The following CDKAL1 variants were observed in gnomAD, a reference collection of about 807,000 sequenced individuals.
CDKAL1 encodes the protein threonylcarbamoyladenosine tRNA methylthiotransferase.
Under a neutral mutation model 68.2 loss-of-function variants are expected in CDKAL1, and 32 were observed. The observed-to-expected ratio is 0.47, with a 90% CI of 0.35 to 0.63. CDKAL1 has a LOEUF of 0.63. Among genes scored for constraint, CDKAL1 ranks in the 30% least tolerant of loss-of-function variants. The pLI is 0.00. For missense variants in CDKAL1, 606 were observed against 696.7 expected, an observed-to-expected ratio of 0.87 and a Z score of 1.47; for synonymous variants, 234 against 244.3, an observed-to-expected ratio of 0.96 and a Z score of 0.39.
intron 11 of CDKAL1, among the ~76,000 whole-genome samples, chr6:21,057,841 C>T (rs565643774): frequency 2.0e-4 from 30 of 152,176 alleles, no homozygotes; most frequent in African/African-American, 7.0e-4. Flanking sequence ...TTTCTTAATC[C>T]TGGGTTCTAA....
rs1774655483 is a variant in CDKAL1, at chr6:20,765,408, GGCC to G, written c.517+6766_517+6768del. 6.6e-5 allele frequency among the ~76,000 whole-genome samples: 2 copies of G among 30,244 alleles called. 1 individual carries two copies. Among genetic ancestry groups the G allele is most frequent in the Admixed American group, 6.7e-4 (2 of 2,964 alleles). The allele number at this position is 30,244 out of a possible 152,430, so 19.8% of individuals were successfully genotyped here. A position where few individuals can be genotyped will look rare whatever the true frequency, so the allele number is the denominator to read the frequency against. On this transcript the variant is annotated intron_variant, in intron 7 of 15. Coordinates refer to ENST00000274695, the MANE Select transcript of CDKAL1 (RefSeq NM_017774.3). ...CCTGACCTCGTGATCCGCCCGCCTC[GGCC>G]TCCCAAAGTGCTGGGATTACAGGCG...
intron 13 of CDKAL1, among the ~76,000 whole-genome samples, chr6:21,161,522 T>C (rs929241540): frequency 2.0e-5 from 3 of 152,222 alleles, no homozygotes; most frequent in African/African-American, 7.2e-5. Context: ...CTTTTTAAGA[T>C]AAAGAACTTT....
intron 12 of CDKAL1, among the ~76,000 whole-genome samples, chr6:21,091,308 A>G (rs1772994982): frequency 6.6e-6 from 1 of 152,180 alleles, no homozygotes; most frequent in Admixed American, 6.5e-5. Context: ...CACCTCACCA[A>G]CCTGAAGAAA....
chr6:20,608,079 T>C (rs1233051136), intron 4 of CDKAL1, among the ~76,000 whole-genome samples: 1 of 152,320 alleles, frequency 6.6e-6, no homozygotes, highest in African/African-American at 2.4e-5. Context: ...AATTAACATA[T>C]GCATAGTAAA....
intron 5 of CDKAL1, among the ~76,000 whole-genome samples, chr6:20,651,150 G>A (rs769680136): frequency 6.6e-6 from 1 of 152,008 alleles, no homozygotes; most frequent in Non-Finnish European, 1.5e-5. Flanking sequence ...TGGGCAGTAT[G>A]GCCATTTTCA....
intron 8 of CDKAL1, among the ~76,000 whole-genome samples, chr6:20,844,705 G>GAAAAAC (rs1205847819): frequency 2.2e-5 from 2 of 91,296 alleles, no homozygotes; most frequent in Non-Finnish European, 5.6e-5. Flanking sequence ...AAAAGAAACA[G>GAAAAAC]AAAAACAAAA....
At chr6:20,746,270 T>C (rs1773660461) in intron 6 of CDKAL1, among the ~76,000 whole-genome samples, 1 of 152,196 alleles carries the variant, frequency 6.6e-6, no homozygotes, top group Non-Finnish European at 1.5e-5. Context: ...CCTTCAGTGT[T>C]ATGAGGAATG....
intron 9 of CDKAL1, among the ~76,000 whole-genome samples, chr6:20,948,415 A>C (rs1764363036): frequency 6.6e-6 from 1 of 152,224 alleles, no homozygotes; most frequent in Non-Finnish European, 1.5e-5. Context: ...AATTGAGCTC[A>C]GTGGCTGAAA....
chr6:21,208,156 G>T (rs551134307), intron 15 of CDKAL1, among the ~76,000 whole-genome samples: 147 of 152,226 alleles, frequency 9.7e-4, no homozygotes, highest in Admixed American at 2.2e-3. Flanking sequence ...TCCTGAGAAT[G>T]GATTCACTTG....
At chr6:21,135,817 G>T (rs1229418682) in intron 13 of CDKAL1, 2 of 404,562 alleles carry the variant, frequency 4.9e-6, no homozygotes, top group African/African-American at 4.3e-5. Flanking sequence ...TGGAGAACGG[G>T]TGCCATCCAG....
At chr6:20,544,578 A>G (rs985973209) in intron 2 of CDKAL1, among the ~76,000 whole-genome samples, 5 of 131,352 alleles carry the variant, frequency 3.8e-5, no homozygotes, top group South Asian at 2.6e-4. Flanking sequence ...CCTGGGCCAC[A>G]GAGCGAAACT....
chr6:20,920,662 G>T (rs1299206531), intron 9 of CDKAL1, among the ~76,000 whole-genome samples: 1 of 152,074 alleles, frequency 6.6e-6, no homozygotes, highest in Non-Finnish European at 1.5e-5. Flanking sequence ...ATTCTATTTA[G>T]TTAGTATTAA....
At chr6:21,205,426 C>T (rs1386088181) in intron 15 of CDKAL1, among the ~76,000 whole-genome samples, 6 of 152,184 alleles carry the variant, frequency 3.9e-5, no homozygotes, top group African/African-American at 1.4e-4. Flanking sequence ...CAATAGTGCA[C>T]AAGGGTTCCA....
chr6:21,076,392 CATGTACAT>C (rs2150950784), intron 12 of CDKAL1, among the ~76,000 whole-genome samples: 1 of 152,294 alleles, frequency 6.6e-6, no homozygotes, highest in South Asian at 2.1e-4. Context: ...TGAGTGCGCA[CATGTACAT>C]ATGTCCGAGA....
At chr6:20,961,965 A>G (rs1426243862) in intron 10 of CDKAL1, among the ~76,000 whole-genome samples, 1 of 152,190 alleles carries the variant, frequency 6.6e-6, no homozygotes, top group Non-Finnish European at 1.5e-5. Context: ...TCTGTCATGA[A>G]TAGTTCAAAG....
At chr6:20,560,495 G>C (rs553995435) in intron 4 of CDKAL1, among the ~76,000 whole-genome samples, 1 of 152,232 alleles carries the variant, frequency 6.6e-6, no homozygotes, top group East Asian at 1.9e-4. Context: ...AGCATATGAA[G>C]GTGGGAGTTT....
intron 7 of CDKAL1, among the ~76,000 whole-genome samples, chr6:20,761,161 T>A (rs1774445302): frequency 6.6e-6 from 1 of 152,240 alleles, no homozygotes; most frequent in Admixed American, 6.5e-5. Context: ...AAAAAGGTGT[T>A]TGACATCGTA....
chr6:20,943,412 T>C (rs1764090281), intron 9 of CDKAL1, among the ~76,000 whole-genome samples: 1 of 151,944 alleles, frequency 6.6e-6, no homozygotes, highest in Non-Finnish European at 1.5e-5. Context: ...TTGTTTATTC[T>C]GATGAAGGTT....
At chr6:20,804,691 A>G (rs911556248) in intron 8 of CDKAL1, among the ~76,000 whole-genome samples, 3 of 152,174 alleles carry the variant, frequency 2.0e-5, no homozygotes, top group Non-Finnish European at 4.4e-5. Flanking sequence ...GATGTTGTAC[A>G]GGAAAGAGTC....
Sources: gnomAD v4.1 joint callset for allele counts (sites outside exome capture counted in the v4.1 genomes callset) on GRCh38, gnomAD v4.1.1 for gene constraint, MANE v1.5 for transcripts, NCBI Gene and HGNC (gene_info 2026-07-23, HGNC 2026-07-21) for gene names.